The following ZNF423 variants were observed in gnomAD, a reference collection of about 807,000 sequenced individuals.
ZNF423 encodes the protein zinc finger protein 423.
ZNF423 carries 12 observed loss-of-function variants against 95.8 expected under a neutral mutation model. The observed-to-expected ratio is 0.13, with a 90% CI of 0.08 to 0.20. ZNF423 has a LOEUF of 0.20. Ranked by LOEUF, ZNF423 falls within the 10% of genes least tolerant of loss-of-function variation. The pLI, the probability that ZNF423 is intolerant of heterozygous loss-of-function variation, is 1.00. For synonymous variants in ZNF423, 749 were observed against 711.9 expected (o/e 1.05, Z -0.83); for missense variants, 1,316 against 1,737.1 (o/e 0.76, Z 4.31).
chr16:49,859,148 G>T (rs1412632587), upstream of ZNF423, among the ~76,000 whole-genome samples: 1 of 152,152 alleles, frequency 6.6e-6, no homozygotes, highest in East Asian at 1.9e-4. Context: ...CGGGGGAGAG[G>T]GGTGGTTGGA....
At chr16:49,580,228 G>A (rs1309461262) in intron 5 of ZNF423, among the ~76,000 whole-genome samples, 1 of 152,088 alleles carries the variant, frequency 6.6e-6, no homozygotes, top group Non-Finnish European at 1.5e-5. Context: ...CTCACGTCAT[G>A]GGAGCCACTG....
chr16:49,681,419 A>G (rs936115397), intron 3 of ZNF423, among the ~76,000 whole-genome samples: 6 of 152,216 alleles, frequency 3.9e-5, no homozygotes, highest in Non-Finnish European at 7.3e-5. Context: ...GGATACAGAG[A>G]GGGGAGAAAA....
chr16:49,657,246 C>T (rs2029924575), intron 3 of ZNF423, among the ~76,000 whole-genome samples: 1 of 152,228 alleles, frequency 6.6e-6, no homozygotes, highest in African/African-American at 2.4e-5. Context: ...CAAATCCCAT[C>T]CAGGACCTAG....
intron 3 of ZNF423, among the ~76,000 whole-genome samples, chr16:49,672,767 G>A (rs1443813274): frequency 6.6e-6 from 1 of 152,140 alleles, no homozygotes; most frequent in East Asian, 1.9e-4. Flanking sequence ...GCACTGAGCC[G>A]AGATCGCGTC....
intron 7 of ZNF423, among the ~76,000 whole-genome samples, chr16:49,511,799 T>G (rs1027043682): frequency 6.6e-6 from 1 of 152,150 alleles, no homozygotes; most frequent in Admixed American, 6.5e-5. Flanking sequence ...TGCCACACCT[T>G]ATTAGGTTGG....
intron 5 of ZNF423, among the ~76,000 whole-genome samples, chr16:49,546,072 T>G (rs1375694892): frequency 6.6e-6 from 1 of 152,190 alleles, no homozygotes. Flanking sequence ...GAGCCAGGTG[T>G]TGGGAACATA....
chr16:49,734,334 T>C (rs535885904), intron 2 of ZNF423, among the ~76,000 whole-genome samples: 2 of 152,268 alleles, frequency 1.3e-5, no homozygotes, highest in African/African-American at 4.8e-5. Context: ...TCAGAGAACA[T>C]AGGGCCCAGA....
At chr16:49,605,715 T>G (rs1383836527) in intron 5 of ZNF423, among the ~76,000 whole-genome samples, 1 of 152,164 alleles carries the variant, frequency 6.6e-6, no homozygotes, top group Non-Finnish European at 1.5e-5. Flanking sequence ...TGTGCCTCAC[T>G]TATTAAGACA....
chr16:49,784,780 T>A (rs1363305607), intron 2 of ZNF423, among the ~76,000 whole-genome samples: 1 of 151,970 alleles, frequency 6.6e-6, no homozygotes, highest in Non-Finnish European at 1.5e-5. Context: ...TGAAACCCTG[T>A]CTCTACTAAA....
rs1413327839 is a variant in ZNF423, at chr16:49,730,674, T to C, written c.301+97A>G. On this transcript the variant is annotated intron_variant, in intron 3 of 7. Coordinates refer to ENST00000563137, the MANE Select transcript of ZNF423 (RefSeq NM_001379286.1). ...AAATGACATTAACTGTAAAATTACA[T>C]TATTAATTCTTTAATCTCACTTGAG... is the stretch of plus-strand genomic sequence containing the variant. 10 of 1,278,174 alleles carry C rather than the reference T, an allele frequency of 7.8e-6. No individual in the cohort carries two copies. The Admixed American group carries it at 1.8e-4, about 23-fold the overall frequency. The allele number at this position is 1,278,174 out of a possible 1,614,324, so 79.2% of individuals were successfully genotyped here.
intron 5 of ZNF423, among the ~76,000 whole-genome samples, chr16:49,547,353 G>A (rs1469498956): frequency 1.3e-5 from 2 of 152,138 alleles, no homozygotes; most frequent in Admixed American, 6.5e-5. Context: ...GCCACGATGC[G>A]TGATCCTCCC....
intron 3 of ZNF423, among the ~76,000 whole-genome samples, chr16:49,660,220 A>AATGAATGAATGAATGG (rs140252244): frequency 6.6e-6 from 1 of 152,068 alleles, no homozygotes; most frequent in African/African-American, 2.4e-5. Flanking sequence ...TGAATGAATG[A>AATGAATGAATGAATGG]ATGGATGAAA....
intron 3 of ZNF423, among the ~76,000 whole-genome samples, chr16:49,726,207 C>A (rs553078293): frequency 4.3e-4 from 65 of 152,228 alleles, no homozygotes; most frequent in African/African-American, 1.5e-3. Context: ...ACAGCGCAGA[C>A]GGAGCACCCA....
At chr16:49,664,310 C>CGCTTGGCGGAGGACCCAGCTA (rs2030420119) in intron 3 of ZNF423, 2 of 985,622 alleles carry the variant, frequency 2.0e-6, no homozygotes, top group East Asian at 2.3e-4. Flanking sequence ...CCCGCGGCGG[C>CGCTTGGCGGAGGACCCAGCTA]GCTTGGCGGA....
chr16:49,607,691 T>C (rs1354585428), intron 5 of ZNF423, among the ~76,000 whole-genome samples: 2 of 152,278 alleles, frequency 1.3e-5, no homozygotes, highest in Non-Finnish European at 2.9e-5. Context: ...TCCAGAAATA[T>C]GTTCATGTTG....
intron 5 of ZNF423, among the ~76,000 whole-genome samples, chr16:49,600,944 G>A (rs1337441121): frequency 1.3e-5 from 2 of 152,188 alleles, no homozygotes; most frequent in African/African-American, 4.8e-5. Context: ...GGGTTCTCGG[G>A]TGGATGCATC....
chr16:49,672,194 T>C (rs2030843953), intron 3 of ZNF423, among the ~76,000 whole-genome samples: 2 of 152,074 alleles, frequency 1.3e-5, no homozygotes, highest in South Asian at 4.1e-4. Flanking sequence ...AGACCATAAA[T>C]AGCTTCACAT....
At chr16:49,594,347 C>T (rs1171177387) in intron 5 of ZNF423, among the ~76,000 whole-genome samples, 2 of 152,120 alleles carry the variant, frequency 1.3e-5, no homozygotes, top group Non-Finnish European at 2.9e-5. Flanking sequence ...CACACCCTTG[C>T]GGTAACACAG....
intron 3 of ZNF423, among the ~76,000 whole-genome samples, chr16:49,668,412 G>C (rs891406898): frequency 1.3e-5 from 2 of 152,186 alleles, no homozygotes; most frequent in Non-Finnish European, 2.9e-5. Context: ...CTCTTGCCCA[G>C]GCAGGTCCTC....
Sources: gnomAD v4.1 joint callset for allele counts (sites outside exome capture counted in the v4.1 genomes callset) on GRCh38, gnomAD v4.1.1 for gene constraint, MANE v1.5 for transcripts, NCBI Gene and HGNC (gene_info 2026-07-23, HGNC 2026-07-21) for gene names.